FRMD6: variants seen among roughly 807,000 people sequenced by gnomAD.
The protein encoded by FRMD6 is FERM domain containing 6, also known as FERM domain-containing protein 6.
A neutral mutation model predicts 73.2 loss-of-function variants in FRMD6; 37 were observed. The observed-to-expected ratio is 0.51, with a 90% confidence interval of 0.39 to 0.66. The LOEUF is 0.66. Among genes scored for constraint, FRMD6 ranks in the 30% least tolerant of loss-of-function variants. The pLI, the probability that FRMD6 is intolerant of heterozygous loss-of-function variation, is 0.00. For missense variants in FRMD6, 714 were observed against 780.5 expected (o/e 0.91, Z 1.02); for synonymous variants, 273 against 282.2 (o/e 0.97, Z 0.33).
intron 2 of FRMD6, among the ~76,000 whole-genome samples, chr14:51,642,438 A>T (rs944509018): frequency 4.6e-5 from 7 of 152,126 alleles, no homozygotes; most frequent in African/African-American, 1.4e-4. Flanking sequence ...TACTTGGGAG[A>T]CTGAGGCAGA....
chr14:51,614,025 ACACT>A (rs1227681902), intron 2 of FRMD6, among the ~76,000 whole-genome samples: 1 of 152,144 alleles, frequency 6.6e-6, no homozygotes, highest in Non-Finnish European at 1.5e-5. Context: ...CACGTATCAA[ACACT>A]CAATAGCCAC....
intron 1 of FRMD6, among the ~76,000 whole-genome samples, chr14:51,552,950 G>A (rs950872003): frequency 2.0e-5 from 3 of 152,184 alleles, no homozygotes; most frequent in Non-Finnish European, 4.4e-5. Context: ...GTGGATGCAA[G>A]AAGTCCCAAG....
the FRMD6 span, among the ~76,000 whole-genome samples, chr14:51,428,795 T>C: frequency 1.3e-5 from 2 of 152,104 alleles, no homozygotes; most frequent in African/African-American, 4.8e-5. Context: ...CAATAGAGAA[T>C]GGCAGAAGTA....
At chr14:51,397,569 A>G in the FRMD6 span, among the ~76,000 whole-genome samples, 1 of 152,216 alleles carries the variant, frequency 6.6e-6, no homozygotes, top group Non-Finnish European at 1.5e-5. Context: ...CTTTTCTTCA[A>G]AAGTTAGGGG....
At chr14:51,436,480 A>G in the FRMD6 span, 1 of 620,330 alleles carries the variant, frequency 1.6e-6, no homozygotes, top group South Asian at 1.6e-5. Flanking sequence ...TACTTTGGAA[A>G]TAAAATTCTC....
the FRMD6 span, among the ~76,000 whole-genome samples, chr14:51,469,972 T>G: frequency 6.6e-6 from 1 of 152,092 alleles, no homozygotes; most frequent in African/African-American, 2.4e-5. Flanking sequence ...AAGTTAATAC[T>G]TACATAGACA....
At chr14:51,594,665 G>C (rs913169011) in intron 2 of FRMD6, among the ~76,000 whole-genome samples, 15 of 152,040 alleles carry the variant, frequency 9.9e-5, no homozygotes, top group African/African-American at 3.6e-4. Flanking sequence ...GTTTCACTAT[G>C]TTGGTGAGGC....
At chr14:51,491,910 C>G (rs1043140883) in intron 1 of FRMD6, among the ~76,000 whole-genome samples, 7 of 152,212 alleles carry the variant, frequency 4.6e-5, no homozygotes, top group African/African-American at 1.7e-4. Flanking sequence ...CCAGGGAGAC[C>G]AAAGGACTTC....
At position 51,493,088 on chromosome 14, in the gene FRMD6, A is replaced by G. The variant is rs185834736; in HGVS notation, c.-210+3668A>G. Among the ~76,000 whole-genome samples, 686 of 152,274 alleles carry G rather than the reference A, an allele frequency of 4.5e-3. 7 individuals are homozygous for G. The highest frequency in any genetic ancestry group is 0.016 in the African/African-American group (658 of 41,552). On this transcript the variant is annotated intron_variant, in intron 1 of 14. Transcript: ENST00000356218. ...CTGGGTTTATTTAAAACCACTTCCT[A>G]TTATGGCTTTAAAAAGTTTCCTCCT... is the stretch of plus-strand genomic sequence containing the variant.
At chr14:51,550,333 G>C (rs1161121107) in intron 1 of FRMD6, among the ~76,000 whole-genome samples, 1 of 152,058 alleles carries the variant, frequency 6.6e-6, no homozygotes, top group Non-Finnish European at 1.5e-5. Flanking sequence ...TGGCCTCCCT[G>C]GGCTCAAGTG....
chr14:51,694,524 C>G (rs1168302299), intron 2 of FRMD6, among the ~76,000 whole-genome samples: 1 of 151,986 alleles, frequency 6.6e-6, no homozygotes, highest in African/African-American at 2.4e-5. Context: ...ACCCCTGTCT[C>G]TACATAAAAT....
chr14:51,631,657 T>A (rs1238820196), intron 2 of FRMD6, among the ~76,000 whole-genome samples: 4 of 152,204 alleles, frequency 2.6e-5, no homozygotes, highest in Non-Finnish European at 5.9e-5. Flanking sequence ...ATTTGAATTT[T>A]TAACAACTCA....
rs763591176 is a variant in FRMD6 at position 51,701,161 on chromosome 14, T to C, written c.294+2T>C. On this transcript the variant is annotated splice_donor_variant, in intron 4 of 13. Coordinates refer to ENST00000344768, the MANE Select transcript of FRMD6 (RefSeq NM_001267046.2). LOFTEE classifies it high-confidence loss of function. ...GTACGACAATACGAAGTCACTTGGG[T>C]GAGATTACATTTATAAGCAAAATTA... 4.6e-6 allele frequency: 7 copies of C among 1,518,376 alleles called. No individual in the cohort carries two copies. The East Asian group carries it at 1.7e-4, about 36-fold the overall frequency. The allele number at this position is 1,518,376 out of a possible 1,614,324, so 94.1% of individuals were successfully genotyped here.
At chr14:51,404,873 A>G in the FRMD6 span, among the ~76,000 whole-genome samples, 27,580 of 152,110 alleles carry the variant, frequency 0.18, 2,640 homozygotes, top group Middle Eastern at 0.26. Flanking sequence ...TTAATCACCC[A>G]GGTATTAAGC....
intron 1 of FRMD6, among the ~76,000 whole-genome samples, chr14:51,566,553 AC>A (rs1357101065): frequency 6.6e-6 from 1 of 152,174 alleles, no homozygotes; most frequent in Non-Finnish European, 1.5e-5. Context: ...TATTTGTTTC[AC>A]CTGGGTCTTT....
chr14:51,465,734 G>A, the FRMD6 span, among the ~76,000 whole-genome samples: 2 of 151,852 alleles, frequency 1.3e-5, no homozygotes, highest in Non-Finnish European at 2.9e-5. Context: ...CTCATTTTGG[G>A]CAAATATAAA....
chr14:51,467,749 C>T, the FRMD6 span, among the ~76,000 whole-genome samples: 34 of 150,180 alleles, frequency 2.3e-4, 1 homozygote, highest in Admixed American at 2.1e-3. Context: ...CGGGCAGAGA[C>T]GCTCCTCACT....
At chr14:51,571,780 T>C (rs1404468217) in intron 2 of FRMD6, among the ~76,000 whole-genome samples, 1 of 152,168 alleles carries the variant, frequency 6.6e-6, no homozygotes, top group Non-Finnish European at 1.5e-5. Flanking sequence ...TCTAAAAAAA[T>C]AATGCAGATA....
intron 2 of FRMD6, among the ~76,000 whole-genome samples, chr14:51,577,035 A>C (rs1240026456): frequency 6.6e-6 from 1 of 152,236 alleles, no homozygotes; most frequent in African/African-American, 2.4e-5. Context: ...GGGTGGGGCT[A>C]AGCCTCCTTT....
Sources: gnomAD v4.1 joint callset for allele counts (sites outside exome capture counted in the v4.1 genomes callset) on GRCh38, gnomAD v4.1.1 for gene constraint, MANE v1.5 for transcripts, NCBI Gene and HGNC (gene_info 2026-07-23, HGNC 2026-07-21) for gene names.